CAMTA1: variants seen among roughly 807,000 people sequenced by gnomAD.
The protein encoded by CAMTA1 is calmodulin-binding transcription activator 1.
CAMTA1 carries 27 observed loss-of-function variants against 170.9 expected under a neutral mutation model. The ratio of observed to expected loss-of-function variants is 0.16; its 90% CI spans 0.12 to 0.22. The LOEUF is 0.22. Among genes scored for constraint, CAMTA1 ranks in the 10% least tolerant of loss-of-function variants. The pLI is 1.00. For synonymous variants in CAMTA1, 833 were observed against 891.5 expected, an observed-to-expected ratio of 0.93 and a Z score of 1.17; for missense variants, 1,619 against 2,217.2, an observed-to-expected ratio of 0.73 and a Z score of 5.42.
At position 7,762,501 on chromosome 1, in the gene CAMTA1, A is replaced by C. The variant is rs527873436; in HGVS notation, c.4990-3958A>C. The stretch of plus-strand genomic sequence containing the variant: ...TTTCTTTGGAGGCAATATAACATTC[A>C]AACATTATTTTATCCAGTTGACATT... On this transcript the variant is annotated intron_variant, in intron 22 of 22. Coordinates refer to ENST00000303635, the MANE Select transcript of CAMTA1 (RefSeq NM_015215.4). 1.2e-4 allele frequency among the ~76,000 whole-genome samples: 18 copies of C among 152,366 alleles called. 1 individual carries two copies. The highest frequency in any genetic ancestry group is 3.8e-4 in the African/African-American group (16 of 41,582).
intron 5 of CAMTA1, among the ~76,000 whole-genome samples, chr1:7,355,188 A>G (rs2085001797): frequency 6.8e-6 from 1 of 147,146 alleles, no homozygotes; most frequent in African/African-American, 2.5e-5. Context: ...CCTGGGTGAC[A>G]GAGCAAAACT....
intron 4 of CAMTA1, among the ~76,000 whole-genome samples, chr1:7,171,297 T>C (rs978398214): frequency 2.6e-5 from 4 of 152,212 alleles, no homozygotes; most frequent in African/African-American, 4.8e-5. Flanking sequence ...TTTGGAGACA[T>C]GGCTGCACAC....
intron 6 of CAMTA1, among the ~76,000 whole-genome samples, chr1:7,477,346 C>G (rs1162220752): frequency 6.6e-6 from 1 of 152,162 alleles, no homozygotes; most frequent in African/African-American, 2.4e-5. Context: ...GGTCTGGCTT[C>G]ATTCTAGCTG....
In CAMTA1 at chr1:6,927,844, A is replaced by C. The variant is rs530647462; in HGVS notation, c.234+102634A>C. Among the ~76,000 whole-genome samples, 6 of 152,332 alleles carry C rather than the reference A, an allele frequency of 3.9e-5. No homozygotes were observed. The East Asian group carries it at 1.2e-3, about 29-fold the overall frequency. On this transcript the variant is annotated intron_variant, in intron 3 of 22. Coordinates refer to ENST00000303635, the MANE Select transcript of CAMTA1 (RefSeq NM_015215.4). ...GGCAGCCTTGGTGCACAGTTTGGGA[A>C]CCGTGTTTCTAGTGACTTGTGGCCT...
intron 5 of CAMTA1, among the ~76,000 whole-genome samples, chr1:7,252,616 G>A (rs1026372926): frequency 2.8e-4 from 42 of 152,168 alleles, no homozygotes; most frequent in African/African-American, 9.4e-4. Flanking sequence ...TGGACTCTGC[G>A]TCCGTCTTTG....
intron 6 of CAMTA1, among the ~76,000 whole-genome samples, chr1:7,528,172 T>C (rs2094451165): frequency 6.6e-6 from 1 of 152,128 alleles, no homozygotes; most frequent in African/African-American, 2.4e-5. Flanking sequence ...CTGATCTTGT[T>C]CCTGAGCTTT....
At chr1:7,348,864 G>A (rs2084429362) in intron 5 of CAMTA1, among the ~76,000 whole-genome samples, 2 of 152,194 alleles carry the variant, frequency 1.3e-5, no homozygotes, top group South Asian at 4.1e-4. Flanking sequence ...CTGTGATTGA[G>A]GAAAGATTTT....
rs534003079 is a variant in CAMTA1, at chr1:7,616,235, G to A, written c.511-24165G>A. ...CTATTAGAGGTGCCATTGCACAAAC[G>A]GAATTCAAAGTGATATTTCAAGCAG... On this transcript the variant is annotated intron_variant, in intron 6 of 22. Transcript: ENST00000303635. Among the ~76,000 whole-genome samples, 12 of 152,334 alleles carry A rather than the reference G, an allele frequency of 7.9e-5. No individual in the cohort carries two copies. In the South Asian group the frequency reaches 1.7e-3, roughly 21 times the overall value.
intron 3 of CAMTA1, among the ~76,000 whole-genome samples, chr1:7,046,432 C>T (rs1705389945): frequency 1.3e-5 from 2 of 152,184 alleles, no homozygotes; most frequent in Admixed American, 6.5e-5. Context: ...GGGAGTGCCA[C>T]ATGGGAGCTG....
At chr1:7,351,391 G>A (rs1307163345) in intron 5 of CAMTA1, among the ~76,000 whole-genome samples, 1 of 152,230 alleles carries the variant, frequency 6.6e-6, no homozygotes, top group Non-Finnish European at 1.5e-5. Flanking sequence ...CATGCAGATC[G>A]GGCAGGTGAG....
In CAMTA1 at chr1:7,068,533, GA is replaced by G. The variant is rs527591238; in HGVS notation, c.235-22770del. ...GTTGGGCCAGGCAGACCACGATGGG[GA>G]TGAACGTGCCCTGTGTGAGGTGCCA... is the stretch of plus-strand genomic sequence containing the variant. On this transcript the variant is annotated intron_variant, in intron 3 of 22. Coordinates refer to ENST00000303635, the MANE Select transcript of CAMTA1 (RefSeq NM_015215.4). Among the ~76,000 whole-genome samples the G allele has an allele frequency of 5.2e-4, 79 of 152,246 alleles. 2 individuals are homozygous for G. In the South Asian group the frequency reaches 0.015, roughly 29 times the overall value.
chr1:7,459,578 A>T (rs759709782), intron 5 of CAMTA1, among the ~76,000 whole-genome samples: 3 of 152,168 alleles, frequency 2.0e-5, no homozygotes, highest in Non-Finnish European at 4.4e-5. Context: ...TGTGAGCCCC[A>T]CAGCCCTGCC....
chr1:6,853,269 G>A (rs1030285889), intron 3 of CAMTA1: 1 of 152,144 alleles, frequency 6.6e-6, no homozygotes, highest in Non-Finnish European at 1.5e-5. Flanking sequence ...TATAGTAGTA[G>A]CATATAAGTT....
intron 5 of CAMTA1, among the ~76,000 whole-genome samples, chr1:7,429,796 C>CT (rs1267073787): frequency 6.6e-6 from 1 of 152,160 alleles, no homozygotes; most frequent in Non-Finnish European, 1.5e-5. Context: ...AGCATAGTGG[C>CT]TTCTGGGGAG....
intron 6 of CAMTA1, among the ~76,000 whole-genome samples, chr1:7,488,670 C>G (rs1014516008): frequency 1.3e-4 from 20 of 152,106 alleles, no homozygotes; most frequent in Admixed American, 8.5e-4. Flanking sequence ...CATATAAACA[C>G]TTGCATACAC....
chr1:7,705,598 C>T (rs979854294), intron 11 of CAMTA1, among the ~76,000 whole-genome samples: 2 of 151,698 alleles, frequency 1.3e-5, no homozygotes, highest in African/African-American at 4.8e-5. Flanking sequence ...CTCGGCTTCT[C>T]CTCAACACGG....
intron 3 of CAMTA1, chr1:6,834,587 C>A: frequency 5.6e-6 from 1 of 177,870 alleles, no homozygotes; most frequent in South Asian, 1.2e-4. Flanking sequence ...TGTCCTATTG[C>A]AACACTTTCC....
intron 4 of CAMTA1, among the ~76,000 whole-genome samples, chr1:7,168,028 A>G (rs1045623718): frequency 6.6e-6 from 1 of 152,144 alleles, no homozygotes; most frequent in African/African-American, 2.4e-5. Flanking sequence ...GAGCCACTGT[A>G]CCCAGCTGAG....
intron 4 of CAMTA1, among the ~76,000 whole-genome samples, chr1:7,152,405 C>A (rs934088791): frequency 2.0e-5 from 3 of 152,188 alleles, no homozygotes; most frequent in African/African-American, 4.8e-5. Context: ...GACTTTGAAG[C>A]CCCCAACCTT....
Sources: allele counts gnomAD v4.1 joint callset (sites outside exome capture counted in the v4.1 genomes callset), GRCh38; gene constraint gnomAD v4.1.1; transcripts MANE v1.5; gene names NCBI Gene and HGNC (gene_info 2026-07-23, HGNC 2026-07-21).